The following PTPRJ variants were observed in gnomAD, a reference collection of about 807,000 sequenced individuals.
PTPRJ encodes protein tyrosine phosphatase receptor type J.
A neutral mutation model predicts 141.3 loss-of-function variants in PTPRJ; 129 were observed. The observed-to-expected ratio is 0.91, with a 90% confidence interval of 0.79 to 1.06. PTPRJ has a LOEUF of 1.06. Ranked by LOEUF, PTPRJ falls within the 50% of genes least tolerant of loss-of-function variation. The probability of loss-of-function intolerance (pLI) is 0.00; values close to 1 mark genes in which losing one functional copy is unlikely to be tolerated. For missense variants in PTPRJ, 1,601 were observed against 1,679.7 expected, an observed-to-expected ratio of 0.95 and a Z score of 0.82; for synonymous variants, 610 against 640.5, an observed-to-expected ratio of 0.95 and a Z score of 0.72.
At chr11:48,108,528 C>T (rs893040351) in intron 1 of PTPRJ, among the ~76,000 whole-genome samples, 1 of 152,192 alleles carries the variant, frequency 6.6e-6, no homozygotes, top group Non-Finnish European at 1.5e-5. Flanking sequence ...ATAGTAGGTG[C>T]TTAGTAAGTT....
At chr11:48,048,935 G>C (rs1041519172) in intron 1 of PTPRJ, among the ~76,000 whole-genome samples, 1 of 152,184 alleles carries the variant, frequency 6.6e-6, no homozygotes, top group Non-Finnish European at 1.5e-5. Context: ...TTGTATAAAA[G>C]TCAGTCACTG....
Position 48,150,010 on chromosome 11 carries a change from CTT to C in PTPRJ, c.3050+14_3050+15del, listed in dbSNP as rs200710996. 1,892 of 1,497,770 alleles carry C rather than the reference CTT, an allele frequency of 1.3e-3. 28 individuals are homozygous for C. In the African/African-American group the frequency reaches 0.024, roughly 19 times the overall value. 92.8% of individuals were successfully genotyped at this position (1,497,770 alleles called of 1,614,324 possible). A position where few individuals can be genotyped will look rare whatever the true frequency, so the allele number is the denominator to read the frequency against. ...TGAAGACCTAAAAAGTGAGTAATCTCTTTATTTTTTTTAATAACTTGTACTTT... is the reference window on the plus strand; with the variant it reads ...TGAAGACCTAAAAAGTGAGTAATCTCTATTTTTTTTAATAACTTGTACTTT... On this transcript the variant is annotated intron_variant, in intron 17 of 24. Coordinates refer to ENST00000418331, the MANE Select transcript of PTPRJ (RefSeq NM_002843.4).
intron 19 of PTPRJ, among the ~76,000 whole-genome samples, chr11:48,155,530 C>G (rs1193629620): frequency 3.3e-5 from 5 of 152,158 alleles, no homozygotes; most frequent in Non-Finnish European, 5.9e-5. Flanking sequence ...TGGTTAAGAT[C>G]TTGGGTCCTG....
intron 1 of PTPRJ, among the ~76,000 whole-genome samples, chr11:48,038,741 T>C: frequency 6.6e-6 from 1 of 150,858 alleles, no homozygotes; most frequent in East Asian, 2.0e-4. Context: ...CCACCCACCT[T>C]GGCCTCCCAA....
chr11:48,137,162 G>A lies in PTPRJ; in HGVS notation c.2033G>A (p.Gly678Glu), dbSNP rs1484061934. The change falls in exon 10 of 25, where the codon GGA (glycine) becomes GAA (glutamate). Residue 678 changes from glycine to glutamate, a missense_variant. By Grantham distance (98) the Gly-to-Glu change is moderately conservative. Coordinates refer to ENST00000418331, the MANE Select transcript of PTPRJ (RefSeq NM_002843.4). ...SNATQVVTDI[G>E]ITDATVTELI... ...GCAACACAAGTAGTCACGGACATTG[G>A]AATTACTGACGCTACAGTCACTGAA... is the stretch of plus-strand genomic sequence containing the variant. 1.2e-6 allele frequency: 2 copies of A among 1,612,978 alleles called. No homozygotes were observed. Among genetic ancestry groups the A allele is most frequent in the African/African-American group, 1.3e-5 (1 of 74,886 alleles).
At chr11:48,096,138 C>A (rs1343600125) in intron 1 of PTPRJ, among the ~76,000 whole-genome samples, 1 of 152,204 alleles carries the variant, frequency 6.6e-6, no homozygotes, top group African/African-American at 2.4e-5. Context: ...TGTCTGCACC[C>A]ATTGTGCCTT....
chr11:48,135,329 C>T (rs777942212), intron 8 of PTPRJ, among the ~76,000 whole-genome samples: 6 of 151,806 alleles, frequency 4.0e-5, no homozygotes, highest in Non-Finnish European at 7.4e-5. Flanking sequence ...CATGCACCAC[C>T]ACGCCCGGCT....
chr11:48,006,184 C>A (rs1221366687), intron 1 of PTPRJ, among the ~76,000 whole-genome samples: 1 of 152,142 alleles, frequency 6.6e-6, no homozygotes, highest in Admixed American at 6.5e-5. Context: ...GCCTATGTGA[C>A]CTTGGGCTGA....
At chr11:48,157,187 C>T (rs1857633663) in intron 21 of PTPRJ, among the ~76,000 whole-genome samples, 3 of 151,904 alleles carry the variant, frequency 2.0e-5, no homozygotes, top group South Asian at 2.1e-4. Flanking sequence ...CAGGGTTTCA[C>T]TATGTTGGCC....
At chr11:48,099,662 T>C (rs1856104811) in intron 1 of PTPRJ, among the ~76,000 whole-genome samples, 2 of 152,286 alleles carry the variant, frequency 1.3e-5, no homozygotes, top group African/African-American at 4.8e-5. Context: ...GAGTTCTTTT[T>C]CCATTGCATG....
chr11:48,116,048 G>A (rs77292260), intron 3 of PTPRJ, among the ~76,000 whole-genome samples: 119 of 152,128 alleles, frequency 7.8e-4, no homozygotes, highest in African/African-American at 2.8e-3. Context: ...CCAAATGGCA[G>A]TAGTAAGTTC....
At chr11:48,146,772 A>ACACACTTTAACT in intron 14 of PTPRJ, 104 bp from the exon 15 acceptor site, 1 of 823,354 alleles carries the variant, frequency 1.2e-6, no homozygotes, top group Non-Finnish European at 2.2e-6. Context: ...TGTATGGTAT[A>ACACACTTTAACT]CACACTTTAA....
At position 48,159,996 on chromosome 11, in the gene PTPRJ, A is replaced by C. The variant is rs1277781029; in HGVS notation, c.3505A>C (p.Thr1169Pro). The change falls in exon 22 of 25, where the codon ACA becomes CCA. Residue 1169 changes from threonine (T) to proline (P), a missense_variant. Physicochemically the swap from Thr to Pro is conservative, Grantham distance 38. Transcript: ENST00000418331. ...CTATGGAGACATAACTGTGGCAATG[A>C]CATCAGAAATTGTTCTTCCGGAATG... is the stretch of plus-strand genomic sequence containing the variant. Reference protein sequence around the residue: ...QDYGDITVAMTSEIVLPEWTI... With the variant: ...QDYGDITVAMPSEIVLPEWTI... 2.5e-6 allele frequency: 4 copies of C among 1,613,966 alleles called. No homozygotes were observed.
chr11:48,143,160 A>ACAGCATGGG, intron 12 of PTPRJ, 110 bp downstream of exon 12: 1 of 1,391,012 alleles, frequency 7.2e-7, no homozygotes, highest in Non-Finnish European at 9.8e-7. Context: ...CTGTCTTCTC[A>ACAGCATGGG]CTGCAGCCTA....
intron 11 of PTPRJ, among the ~76,000 whole-genome samples, chr11:48,140,310 G>A (rs761145199): frequency 2.6e-5 from 4 of 152,210 alleles, no homozygotes; most frequent in Admixed American, 2.0e-4. Flanking sequence ...GATTACCCAC[G>A]TGAGCCACTG....
intron 1 of PTPRJ, among the ~76,000 whole-genome samples, chr11:47,993,921 C>T (rs1255995899): frequency 1.1e-4 from 17 of 151,702 alleles, no homozygotes; most frequent in African/African-American, 3.1e-4. Context: ...CTCTGCCTCC[C>T]GGGTTCAAGC....
At chr11:48,057,905 T>C (rs1269270894) in intron 1 of PTPRJ, among the ~76,000 whole-genome samples, 1 of 150,812 alleles carries the variant, frequency 6.6e-6, no homozygotes, top group Non-Finnish European at 1.5e-5. Context: ...TTTTGGGTCT[T>C]CCTGCCTTTT....
At chr11:48,008,765 A>G (rs898021083) in intron 1 of PTPRJ, among the ~76,000 whole-genome samples, 1 of 151,582 alleles carries the variant, frequency 6.6e-6, no homozygotes, top group African/African-American at 2.4e-5. Flanking sequence ...GGGTTTCACC[A>G]TGTTGGCCAG....
At chr11:48,113,523 G>T (rs1856490561) in intron 3 of PTPRJ, among the ~76,000 whole-genome samples, 1 of 152,194 alleles carries the variant, frequency 6.6e-6, no homozygotes, top group African/African-American at 2.4e-5. Context: ...TGGCAATGGA[G>T]AATTTGTGGC....
Sources: gnomAD v4.1 joint callset for allele counts (sites outside exome capture counted in the v4.1 genomes callset) on GRCh38, gnomAD v4.1.1 for gene constraint, MANE v1.5 for transcripts, NCBI Gene and HGNC (gene_info 2026-07-23, HGNC 2026-07-21) for gene names.